Variants in FBXL20 observed in about 807,000 individuals in gnomAD.
FBXL20 encodes the protein F-box and leucine rich repeat protein 20.
FBXL20 carries 11 observed loss-of-function variants against 64.0 expected under a neutral mutation model. That is an observed-to-expected ratio of 0.17 (90% CI 0.11 to 0.28). FBXL20 has a LOEUF of 0.28. Ranked by LOEUF, FBXL20 falls within the 10% of genes least tolerant of loss-of-function variation. The probability of loss-of-function intolerance (pLI) is 1.00; values close to 1 mark genes in which losing one functional copy is unlikely to be tolerated. For synonymous variants in FBXL20, 184 were observed against 189.0 expected, an observed-to-expected ratio of 0.97 and a Z score of 0.22; for missense variants, 303 against 526.2, an observed-to-expected ratio of 0.58 and a Z score of 4.15.
intron 1 of FBXL20, among the ~76,000 whole-genome samples, chr17:39,398,957 G>A (rs2048214189): frequency 6.6e-6 from 1 of 152,114 alleles, no homozygotes; most frequent in African/African-American, 2.4e-5. Context: ...ACAGGCATGA[G>A]CCACCTCGCC....
intron 1 of FBXL20, among the ~76,000 whole-genome samples, chr17:39,358,368 G>T (rs1211014739): frequency 6.6e-6 from 1 of 152,126 alleles, no homozygotes; most frequent in Non-Finnish European, 1.5e-5. Context: ...TAGCTATTCG[G>T]GCATCCCTTA....
At chr17:39,306,462 A>C (rs2047184251) in intron 2 of FBXL20, among the ~76,000 whole-genome samples, 2 of 152,074 alleles carry the variant, frequency 1.3e-5, no homozygotes, top group Non-Finnish European at 1.5e-5. Context: ...AGATTTTATA[A>C]TTTTAGTTCT....
At chr17:39,280,450 C>T (rs1322364970) in intron 9 of FBXL20, among the ~76,000 whole-genome samples, 1 of 147,546 alleles carries the variant, frequency 6.8e-6, no homozygotes, top group East Asian at 2.0e-4. Flanking sequence ...GTAATCCCAG[C>T]AATGCAGAAG....
chr17:39,386,024 C>CA (rs35967171), intron 1 of FBXL20, among the ~76,000 whole-genome samples: 6,333 of 39,144 alleles, frequency 0.16, 611 homozygotes, highest in African/African-American at 0.29. Flanking sequence ...GATTCCGTCT[C>CA]AAAAAAAAAA....
intron 2 of FBXL20, among the ~76,000 whole-genome samples, chr17:39,329,142 T>C (rs899244244): frequency 6.6e-6 from 1 of 151,972 alleles, no homozygotes; most frequent in Non-Finnish European, 1.5e-5. Flanking sequence ...AACGAAAAAA[T>C]CTGGCAGATA....
chr17:39,317,437 G>C (rs991712768), intron 2 of FBXL20, among the ~76,000 whole-genome samples: 2 of 152,034 alleles, frequency 1.3e-5, no homozygotes, highest in Non-Finnish European at 2.9e-5. Flanking sequence ...TCACCATGTT[G>C]GCCAGGCTGG....
intron 3 of FBXL20, among the ~76,000 whole-genome samples, chr17:39,302,847 G>A (rs1185152014): frequency 6.6e-6 from 1 of 152,034 alleles, no homozygotes; most frequent in Non-Finnish European, 1.5e-5. Context: ...ATCCTATCAG[G>A]TGGTAGGACT....
rs189736459 is a variant in FBXL20, at chr17:39,268,038, C to T, written c.933+789G>A. The stretch of plus-strand genomic sequence containing the variant: ...TGGAGTCCCATGTTCGAAGTTTTTC[C>T]TTGGTCAATTAATAATCTCAAAGTT... On this transcript the variant is annotated intron_variant, in intron 12 of 14. Coordinates refer to ENST00000264658, the MANE Select transcript of FBXL20 (RefSeq NM_032875.3). Among the ~76,000 whole-genome samples, 190 of 152,100 alleles carry T rather than the reference C, an allele frequency of 1.2e-3. 1 individual carries two copies. Among genetic ancestry groups the T allele is most frequent in the African/African-American group, 4.5e-3 (185 of 41,490 alleles).
At chr17:39,269,499 C>CTTTT (rs1024012415) in intron 11 of FBXL20, among the ~76,000 whole-genome samples, 1 of 116,752 alleles carries the variant, frequency 8.6e-6, no homozygotes, top group African/African-American at 3.4e-5. Flanking sequence ...GGCCTTTCCT[C>CTTTT]TTTTTTTTTT....
rs1567896939 is a variant in FBXL20 at position 39,363,813 on chromosome 17, A to AAAAAAAAAAAC, written c.43-20573_43-20572insGTTTTTTTTTT. On this transcript the variant is annotated intron_variant, in intron 1 of 14. Transcript: ENST00000264658. ...GTGACAGAGCAAGACTTTATCTCAA[A>AAAAAAAAAAAC]AAAAAAAAAAAAACAAAAAACAAAA... Among the ~76,000 whole-genome samples the AAAAAAAAAAAC allele has an allele frequency of 5.2e-3, 630 of 120,352 alleles. 19 individuals carry two copies. The highest frequency in any genetic ancestry group is 7.4e-3 in the Non-Finnish European group (455 of 61,170). 79.0% of individuals were successfully genotyped at this position (120,352 alleles called of 152,430 possible).
chr17:39,301,419 G>T (rs1391447466), intron 3 of FBXL20, among the ~76,000 whole-genome samples: 1 of 151,886 alleles, frequency 6.6e-6, no homozygotes, highest in Non-Finnish European at 1.5e-5. Flanking sequence ...AGCCAGACCC[G>T]ATCCCTATAA....
chr17:39,264,149 T>G, intron 14 of FBXL20, 26 bp downstream of exon 14: 1 of 1,606,272 alleles, frequency 6.2e-7, no homozygotes, highest in Non-Finnish European at 8.5e-7. Flanking sequence ...AACACTAGAG[T>G]TGGAGAGTTA....
At chr17:39,329,130 A>G (rs912149884) in intron 2 of FBXL20, among the ~76,000 whole-genome samples, 4 of 152,176 alleles carry the variant, frequency 2.6e-5, no homozygotes, top group African/African-American at 9.6e-5. Context: ...AAGTAACATG[A>G]CAACGAAAAA....
intron 2 of FBXL20, among the ~76,000 whole-genome samples, chr17:39,335,410 G>A (rs2047510678): frequency 1.3e-5 from 2 of 151,716 alleles, no homozygotes; most frequent in Non-Finnish European, 2.9e-5. Context: ...TCCCGCTGCA[G>A]TGTCTCTACT....
At chr17:39,346,620 T>TA (rs1453347194) in intron 1 of FBXL20, among the ~76,000 whole-genome samples, 1 of 151,950 alleles carries the variant, frequency 6.6e-6, no homozygotes, top group Non-Finnish European at 1.5e-5. Context: ...CAATACTTAG[T>TA]AACAAAAAGT....
At chr17:39,320,592 A>ATTTTTT (rs916741667) in intron 2 of FBXL20, among the ~76,000 whole-genome samples, 1 of 137,678 alleles carries the variant, frequency 7.3e-6, no homozygotes, top group Non-Finnish European at 1.6e-5. Context: ...TCTAGTATGA[A>ATTTTTT]TTTTTTTTTT....
intron 1 of FBXL20, among the ~76,000 whole-genome samples, chr17:39,381,910 C>T (rs979217236): frequency 2.7e-5 from 4 of 150,324 alleles, no homozygotes; most frequent in African/African-American, 9.8e-5. Flanking sequence ...TCCTAGCAAA[C>T]ATGGTGAAAC....
intron 1 of FBXL20, among the ~76,000 whole-genome samples, chr17:39,348,711 T>C (rs1400238394): frequency 6.6e-6 from 1 of 152,214 alleles, no homozygotes; most frequent in East Asian, 1.9e-4. Flanking sequence ...TACATGTTCT[T>C]ACTTTTGAGA....
At chr17:39,284,116 G>A (rs913744202) in intron 7 of FBXL20, among the ~76,000 whole-genome samples, 1 of 152,026 alleles carries the variant, frequency 6.6e-6, no homozygotes, top group East Asian at 1.9e-4. Flanking sequence ...ATCTTACTCG[G>A]TTACATCTCA....
Sources: gnomAD v4.1 joint callset for allele counts (sites outside exome capture counted in the v4.1 genomes callset) on GRCh38, gnomAD v4.1.1 for gene constraint, MANE v1.5 for transcripts, NCBI Gene and HGNC (gene_info 2026-07-23, HGNC 2026-07-21) for gene names.